Variants in ZFYVE16 observed in about 807,000 individuals in gnomAD.
The protein encoded by ZFYVE16 is zinc finger FYVE domain-containing protein 16.
A neutral mutation model predicts 138.1 loss-of-function variants in ZFYVE16; 89 were observed. The observed-to-expected ratio is 0.64, with a 90% confidence interval of 0.54 to 0.77. The LOEUF is 0.77. ZFYVE16 is among the 30% of genes least tolerant of loss of function. ZFYVE16 has a pLI of 0.00. For synonymous variants in ZFYVE16, 596 were observed against 618.3 expected, an observed-to-expected ratio of 0.96 and a Z score of 0.53; for missense variants, 1,793 against 1,786.7, an observed-to-expected ratio of 1.00 and a Z score of -0.06.
intron 1 of ZFYVE16, among the ~76,000 whole-genome samples, chr5:80,414,980 C>T (rs548353200): frequency 6.6e-6 from 1 of 152,272 alleles, no homozygotes; most frequent in East Asian, 1.9e-4. Context: ...CCCAAATGGG[C>T]CCTTTCCATT....
chr5:80,477,172 T>C, intron 18 of ZFYVE16, 47 bp from the exon 19 acceptor site: 2 of 1,476,768 alleles, frequency 1.4e-6, no homozygotes, highest in Non-Finnish European at 1.8e-6. Flanking sequence ...CATTCCGAGT[T>C]AAACAAGATT....
At chr5:80,442,807 G>T (rs1750863033) in intron 5 of ZFYVE16, among the ~76,000 whole-genome samples, 1 of 152,188 alleles carries the variant, frequency 6.6e-6, no homozygotes, top group African/African-American at 2.4e-5. Context: ...AACTATGTTG[G>T]AAATAGACTC....
intron 1 of ZFYVE16, among the ~76,000 whole-genome samples, chr5:80,423,988 C>T (rs780654938): frequency 6.7e-6 from 1 of 149,116 alleles, no homozygotes; most frequent in Non-Finnish European, 1.5e-5. Context: ...TCTTGTTGCT[C>T]AGGCTGGAGT....
chr5:80,409,344 T>C (rs1283757222), intron 1 of ZFYVE16, among the ~76,000 whole-genome samples: 2 of 152,238 alleles, frequency 1.3e-5, no homozygotes, highest in African/African-American at 4.8e-5. Context: ...TCAATCATAA[T>C]GTTACATGAT....
chr5:80,469,114 A>C (rs1472117702), intron 15 of ZFYVE16, among the ~76,000 whole-genome samples: 5 of 124,354 alleles, frequency 4.0e-5, no homozygotes, highest in African/African-American at 1.6e-4. Context: ...TTTTTTTGAG[A>C]CTCATTCTCA....
In ZFYVE16 at chr5:80,480,523, A is replaced by G. The variant is rs1263654188; in HGVS notation, c.*3146A>G. On this transcript the variant is annotated 3_prime_UTR_variant, in exon 19 of 19. Transcript: ENST00000505560. ...GGAGAGGCAAGAATAGGACAGAGCA[A>G]ATACTTAGATAGAATGCAGAATTTT... Among the ~76,000 whole-genome samples, 1 of 152,156 alleles carries G rather than the reference A, an allele frequency of 6.6e-6. No individual in the cohort carries two copies. Among genetic ancestry groups the G allele is most frequent in the Non-Finnish European group, 1.5e-5 (1 of 68,022 alleles).
intron 6 of ZFYVE16, chr5:80,443,835 G>C (rs1750998353): frequency 6.6e-6 from 3 of 456,256 alleles, no homozygotes; most frequent in Non-Finnish European, 1.3e-5. Context: ...AGTAACAAGA[G>C]AGTCTGGGAA....
intron 5 of ZFYVE16, 113 bp from the exon 6 acceptor site, chr5:80,443,010 C>A: frequency 9.6e-7 from 1 of 1,037,240 alleles, no homozygotes; most frequent in Non-Finnish European, 1.3e-6. Context: ...TCTTGATTAG[C>A]CATTTCTTTC....
chr5:80,429,065 A>G (rs1465040605), intron 2 of ZFYVE16, among the ~76,000 whole-genome samples: 2 of 152,242 alleles, frequency 1.3e-5, no homozygotes, highest in Non-Finnish European at 2.9e-5. Context: ...TCCTCAACCT[A>G]GCAAGGCAGG....
intron 2 of ZFYVE16, among the ~76,000 whole-genome samples, chr5:80,428,823 A>C (rs1184364197): frequency 1.3e-5 from 2 of 152,258 alleles, no homozygotes; most frequent in Non-Finnish European, 2.9e-5. Context: ...AAGCTTCAGT[A>C]GCCGATTCGA....
chr5:80,470,557 G>T (rs1754268968), intron 15 of ZFYVE16, among the ~76,000 whole-genome samples: 1 of 152,044 alleles, frequency 6.6e-6, no homozygotes, highest in Non-Finnish European at 1.5e-5. Context: ...TGTTGCCCAG[G>T]CTGGAGTGCA....
intron 2 of ZFYVE16, among the ~76,000 whole-genome samples, chr5:80,429,210 G>T (rs1421628153): frequency 2.0e-5 from 3 of 152,160 alleles, no homozygotes. Flanking sequence ...AGAGAGAAAG[G>T]TCAGGTTACC....
intron 1 of ZFYVE16, among the ~76,000 whole-genome samples, chr5:80,423,692 T>C (rs1375803569): frequency 2.0e-5 from 3 of 151,906 alleles, no homozygotes; most frequent in Admixed American, 6.6e-5. Context: ...CCCGCCACCA[T>C]GCCTGGCTAA....
At chr5:80,458,032 T>TAAAAAA (rs749338847) in intron 14 of ZFYVE16, among the ~76,000 whole-genome samples, 3 of 73,652 alleles carry the variant, frequency 4.1e-5, no homozygotes, top group Non-Finnish European at 8.1e-5. Context: ...AGACTACGTC[T>TAAAAAA]AAAAAAAAAA....
intron 14 of ZFYVE16, among the ~76,000 whole-genome samples, chr5:80,457,374 T>C (rs572998105): frequency 1.3e-5 from 2 of 152,360 alleles, no homozygotes; most frequent in South Asian, 4.1e-4. Flanking sequence ...GTAATTTCTT[T>C]CTGAAATAAG....
At chr5:80,459,350 T>A (rs1297696346) in intron 14 of ZFYVE16, 64 bp from the exon 15 acceptor site, 1 of 1,428,456 alleles carries the variant, frequency 7.0e-7, no homozygotes, top group Non-Finnish European at 9.8e-7. Flanking sequence ...CATTCTGCAT[T>A]TAACAAATGT....
In ZFYVE16 at chr5:80,443,260, G is replaced by C; in HGVS notation, c.2557G>C (p.Ala853Pro). ...TTCACCAGCAACTTTGCCAGTCTCA[G>C]CACTTAAACAACCAGGTGTTGAAGG... is the stretch of plus-strand genomic sequence containing the variant. Reference protein sequence around the residue: ...IPSPATLPVSALKQPGVEGLC... With the variant: ...IPSPATLPVSPLKQPGVEGLC... The change falls in exon 6 of 19, where the codon GCA becomes CCA. Residue 853 changes from alanine to proline, a missense_variant. Transcript: ENST00000505560. 2 of 1,609,744 alleles carry C rather than the reference G, an allele frequency of 1.2e-6. No homozygotes were observed. The highest frequency in any genetic ancestry group is 2.2e-5 in the South Asian group (2 of 89,992).
intron 18 of ZFYVE16, among the ~76,000 whole-genome samples, chr5:80,475,428 T>C (rs1024943733): frequency 5.3e-5 from 8 of 152,104 alleles, no homozygotes; most frequent in African/African-American, 1.9e-4. Context: ...CCCAGTAGAG[T>C]TGTATAAGGC....
At chr5:80,463,208 G>A (rs1182426586) in intron 15 of ZFYVE16, among the ~76,000 whole-genome samples, 1 of 152,188 alleles carries the variant, frequency 6.6e-6, no homozygotes, top group East Asian at 1.9e-4. Flanking sequence ...TCTCCATGAG[G>A]GTTCCACCCC....
Sources: gnomAD v4.1 joint callset for allele counts (sites outside exome capture counted in the v4.1 genomes callset) on GRCh38, gnomAD v4.1.1 for gene constraint, MANE v1.5 for transcripts, NCBI Gene and HGNC (gene_info 2026-07-23, HGNC 2026-07-21) for gene names.